Variants in RBFOX1 observed in about 807,000 individuals in gnomAD.
RBFOX1 encodes RNA binding fox-1 homolog 1.
RBFOX1 carries 8 observed loss-of-function variants against 57.7 expected under a neutral mutation model. The ratio of observed to expected loss-of-function variants is 0.14; its 90% CI spans 0.08 to 0.25. The LOEUF is 0.25. Among genes scored for constraint, RBFOX1 ranks in the 10% least tolerant of loss-of-function variants. The pLI is 1.00. For synonymous variants in RBFOX1, 326 were observed against 222.4 expected, an observed-to-expected ratio of 1.47 and a Z score of -4.15; for missense variants, 611 against 548.5, an observed-to-expected ratio of 1.11 and a Z score of -1.14.
intron 2 of RBFOX1, among the ~76,000 whole-genome samples, chr16:6,520,930 G>C (rs912043312): frequency 6.6e-6 from 1 of 152,148 alleles, no homozygotes; most frequent in Admixed American, 6.5e-5. Flanking sequence ...ACCAGTGTTG[G>C]AAAGAGTGTA....
At chr16:6,768,324 A>T (rs946705244) in intron 3 of RBFOX1, among the ~76,000 whole-genome samples, 10 of 150,658 alleles carry the variant, frequency 6.6e-5, no homozygotes, top group Non-Finnish European at 7.4e-5. Flanking sequence ...AAAGAGTCTT[A>T]TTAAAAAGTA....
intron 4 of RBFOX1, among the ~76,000 whole-genome samples, chr16:7,069,688 C>T (rs1041201268): frequency 5.3e-5 from 8 of 152,142 alleles, no homozygotes; most frequent in Non-Finnish European, 1.2e-4. Context: ...GCCCCAGCTT[C>T]CTCATGCGCT....
At chr16:7,133,079 G>A (rs567083955) in intron 4 of RBFOX1, among the ~76,000 whole-genome samples, 1 of 152,158 alleles carries the variant, frequency 6.6e-6, no homozygotes, top group South Asian at 2.1e-4. Context: ...ACCTTATTAT[G>A]GCAAAACTAT....
intron 4 of RBFOX1, among the ~76,000 whole-genome samples, chr16:7,062,523 A>C (rs1033703403): frequency 2.6e-5 from 4 of 152,186 alleles, no homozygotes; most frequent in South Asian, 2.1e-4. Flanking sequence ...ATTTCTGCCT[A>C]TGGTAGCTAG....
rs557541316 is a variant in RBFOX1, at chr16:6,854,242, C to T, written c.-15-197815C>T. 4.2e-4 allele frequency among the ~76,000 whole-genome samples: 64 copies of T among 152,158 alleles called. No individual in the cohort carries two copies. The Middle Eastern group carries it at 0.01, about 24-fold the overall frequency. ...ACTGAGTTCCATTAACACGGAGGGA[C>T]ATATACCATTAGCACCATTTCCTAG... On this transcript the variant is annotated intron_variant, in intron 3 of 15. Transcript: ENST00000550418.
chr16:5,752,330 C>A (rs765791012), intron 3 of RBFOX1, among the ~76,000 whole-genome samples: 1 of 152,286 alleles, frequency 6.6e-6, no homozygotes, highest in Non-Finnish European at 1.5e-5. Context: ...CTAATAGATA[C>A]TAGGCTTCAT....
chr16:5,602,042 A>T (rs972175294), downstream of RBFOX1, among the ~76,000 whole-genome samples: 1 of 152,206 alleles, frequency 6.6e-6, no homozygotes, highest in Admixed American at 6.5e-5. Flanking sequence ...GTGAGGATCC[A>T]GTTGCCTTAA....
chr16:5,544,951 C>CTTTTTTTTTTTTTTTTTTTTTTT (rs59873374), intron 2 of RBFOX1, among the ~76,000 whole-genome samples: 9 of 124,352 alleles, frequency 7.2e-5, no homozygotes, highest in Admixed American at 1.6e-4. Flanking sequence ...CTATTACATT[C>CTTTTTTTTTTTTTTTTTTTTTTT]TTTTTTTTTT....
chr16:7,518,926 G>C (rs916318295), intron 5 of RBFOX1, among the ~76,000 whole-genome samples: 1 of 152,168 alleles, frequency 6.6e-6, no homozygotes, highest in Non-Finnish European at 1.5e-5. Context: ...GGGAGACTGA[G>C]GTGGGAGGAT....
chr16:7,594,522 A>G (rs1336310878), intron 7 of RBFOX1, among the ~76,000 whole-genome samples: 1 of 152,236 alleles, frequency 6.6e-6, no homozygotes, highest in Non-Finnish European at 1.5e-5. Flanking sequence ...TTCTGTACTT[A>G]GGAACAATGT....
chr16:6,090,130 C>T (rs1363417206), intron 1 of RBFOX1: 1 of 152,176 alleles, frequency 6.6e-6, no homozygotes, highest in Non-Finnish European at 1.5e-5. Context: ...TCTTCAAAGC[C>T]AGCATTGGTG....
chr16:6,120,794 C>T (rs747605341), intron 1 of RBFOX1, among the ~76,000 whole-genome samples: 58 of 152,286 alleles, frequency 3.8e-4, no homozygotes, highest in Non-Finnish European at 8.4e-4. Flanking sequence ...TGTAAGACGT[C>T]AGTTCTGGTG....
chr16:7,567,281 C>CTA lies in RBFOX1; in HGVS notation c.271-12490_271-12489dup, dbSNP rs374755490. Among the ~76,000 whole-genome samples the CTA allele has an allele frequency of 5.3e-4, 55 of 103,006 alleles. 6 individuals are homozygous for CTA. The highest frequency in any genetic ancestry group is 1.9e-3 in the African/African-American group (50 of 26,824). The allele number at this position is 103,006 out of a possible 152,430, so 67.6% of individuals were successfully genotyped here. Reference sequence around the variant, plus strand: ...TATATATATCCCTATATATATATCCCTATATATCCTTATATATGGCCCTAT... The same window carrying CTA: ...TATATATATCCCTATATATATATCCCTATATATATCCTTATATATGGCCCTAT... On this transcript the variant is annotated intron_variant, in intron 5 of 15. Coordinates refer to ENST00000550418, the MANE Select transcript of RBFOX1 (RefSeq NM_018723.4).
At chr16:5,589,448 C>T (rs115689358) in intron 2 of RBFOX1, among the ~76,000 whole-genome samples, 1,990 of 152,248 alleles carry the variant, frequency 0.013, 44 homozygotes, top group African/African-American at 0.046. Context: ...TTTCTAGAAA[C>T]ACATAACATT....
chr16:6,459,672 C>T (rs1410589829), intron 2 of RBFOX1, among the ~76,000 whole-genome samples: 1 of 151,786 alleles, frequency 6.6e-6, no homozygotes, highest in Non-Finnish European at 1.5e-5. Context: ...TCTTTAGAGT[C>T]AATACTTAAA....
intron 4 of RBFOX1, among the ~76,000 whole-genome samples, chr16:7,078,681 A>G (rs1461809055): frequency 7.0e-6 from 1 of 143,354 alleles, no homozygotes; most frequent in South Asian, 2.2e-4. Flanking sequence ...TATTTTATTT[A>G]TTTTATTTTA....
At chr16:7,351,725 C>A (rs1470867043) in intron 4 of RBFOX1, among the ~76,000 whole-genome samples, 4 of 152,128 alleles carry the variant, frequency 2.6e-5, no homozygotes, top group African/African-American at 9.7e-5. Flanking sequence ...CCCTAAATAC[C>A]CATGTCCACA....
Position 7,168,471 on chromosome 16 carries a change from A to T in RBFOX1, c.27+116373A>T, listed in dbSNP as rs534269691. ...GTGAACCTCATTGGCGAGCTCAAAGAGGTGGCTATAGGAAACCTAATTATA... is the reference window on the plus strand; with the variant it reads ...GTGAACCTCATTGGCGAGCTCAAAGTGGTGGCTATAGGAAACCTAATTATA... On this transcript the variant is annotated intron_variant, in intron 4 of 15. Coordinates refer to ENST00000550418, the MANE Select transcript of RBFOX1 (RefSeq NM_018723.4). Among the ~76,000 whole-genome samples the T allele has an allele frequency of 6.6e-5, 10 of 152,314 alleles. No individual in the cohort carries two copies. In the East Asian group the frequency reaches 1.2e-3, roughly 18 times the overall value.
intron 4 of RBFOX1, among the ~76,000 whole-genome samples, chr16:7,303,011 T>C (rs905515853): frequency 1.1e-4 from 16 of 152,308 alleles, no homozygotes; most frequent in East Asian, 9.7e-4. Flanking sequence ...TAATCTCTTA[T>C]CAGACACGGA....
Sources: gnomAD v4.1 joint callset for allele counts (sites outside exome capture counted in the v4.1 genomes callset) on GRCh38, gnomAD v4.1.1 for gene constraint, MANE v1.5 for transcripts, NCBI Gene and HGNC (gene_info 2026-07-23, HGNC 2026-07-21) for gene names.